The following NRG1 variants were observed in gnomAD, a reference collection of about 807,000 sequenced individuals.
NRG1 encodes the protein pro-neuregulin-1, membrane-bound isoform.
Under a neutral mutation model 63.8 loss-of-function variants are expected in NRG1, and 18 were observed. The observed-to-expected ratio is 0.28, with a 90% confidence interval of 0.19 to 0.42. NRG1 has a LOEUF of 0.42. NRG1 is among the 10% of genes least tolerant of loss of function. The probability of loss-of-function intolerance (pLI) is 1.00; values close to 1 mark genes in which losing one functional copy is unlikely to be tolerated. For synonymous variants in NRG1, 302 were observed against 301.3 expected, an observed-to-expected ratio of 1.00 and a Z score of -0.02; for missense variants, 762 against 814.7, an observed-to-expected ratio of 0.94 and a Z score of 0.79.
chr8:32,147,146 T>C (rs1836954719), intron 1 of NRG1, among the ~76,000 whole-genome samples: 1 of 152,178 alleles, frequency 6.6e-6, no homozygotes, highest in South Asian at 2.1e-4. Flanking sequence ...ACTCTCTTGT[T>C]CTGTTGATAT....
chr8:32,593,322 CCA>C (rs1842824138), intron 1 of NRG1, among the ~76,000 whole-genome samples: 1 of 151,922 alleles, frequency 6.6e-6, no homozygotes, highest in South Asian at 2.1e-4. Flanking sequence ...TATGTGTAAA[CCA>C]GTTTTTGGTG....
chr8:32,090,305 G>T (rs1457877020), intron 1 of NRG1, among the ~76,000 whole-genome samples: 1 of 152,154 alleles, frequency 6.6e-6, no homozygotes, highest in African/African-American at 2.4e-5. Flanking sequence ...ACATCTAGCT[G>T]AAAATACATT....
upstream of NRG1, among the ~76,000 whole-genome samples, chr8:32,545,744 C>T (rs144884999): frequency 1.8e-4 from 28 of 152,190 alleles, no homozygotes; most frequent in East Asian, 5.0e-3. Flanking sequence ...AAAGACCTAA[C>T]GATTTTTAGA....
At chr8:31,824,794 G>A (rs1474828437) in intron 1 of NRG1, among the ~76,000 whole-genome samples, 1 of 152,154 alleles carries the variant, frequency 6.6e-6, no homozygotes, top group African/African-American at 2.4e-5. Context: ...AATTTGCAGT[G>A]AGTTTCAGCA....
intron 5 of NRG1, among the ~76,000 whole-genome samples, chr8:32,722,600 C>T (rs564956265): frequency 3.9e-5 from 6 of 152,082 alleles, no homozygotes; most frequent in East Asian, 1.9e-4. Context: ...AAGTTGTAAA[C>T]GAAGTTTATA....
intron 1 of NRG1, among the ~76,000 whole-genome samples, chr8:32,202,787 C>G (rs1185764160): frequency 6.6e-6 from 1 of 151,224 alleles, no homozygotes; most frequent in African/African-American, 2.4e-5. Flanking sequence ...CCCTCCTCTG[C>G]TGCACTGCTC....
At chr8:31,845,148 A>G (rs1826570634) in intron 1 of NRG1, among the ~76,000 whole-genome samples, 2 of 152,150 alleles carry the variant, frequency 1.3e-5, no homozygotes, top group Admixed American at 6.5e-5. Context: ...TAAATAAAAC[A>G]GCAAAGCTTC....
chr8:32,647,897 G>T (rs189750959), intron 5 of NRG1: 7 of 1,614,038 alleles, frequency 4.3e-6, no homozygotes, highest in African/African-American at 1.3e-5. Context: ...CCTGCTGTGC[G>T]TGCCTAGAAG....
At chr8:32,758,680 T>C (rs932429752) in intron 9 of NRG1, among the ~76,000 whole-genome samples, 4 of 151,898 alleles carry the variant, frequency 2.6e-5, no homozygotes, top group Admixed American at 2.0e-4. Flanking sequence ...CTCCATATAT[T>C]ATGTGCTTTG....
chr8:31,663,399 G>A (rs934466424), intron 1 of NRG1, among the ~76,000 whole-genome samples: 8 of 152,140 alleles, frequency 5.3e-5, no homozygotes, highest in South Asian at 2.1e-4. Context: ...AGTAGGTTGT[G>A]GAATCAACAC....
At chr8:32,531,256 A>C (rs1831426067) in intron 1 of NRG1, among the ~76,000 whole-genome samples, 2 of 152,168 alleles carry the variant, frequency 1.3e-5, no homozygotes, top group Non-Finnish European at 2.9e-5. Flanking sequence ...AAAACTAGAA[A>C]AAAGGAAAGA....
intron 1 of NRG1, among the ~76,000 whole-genome samples, chr8:31,872,852 C>T (rs962114023): frequency 6.6e-6 from 1 of 152,200 alleles, no homozygotes; most frequent in African/African-American, 2.4e-5. Flanking sequence ...TTTTCAAATA[C>T]ATCCAAGTAT....
chr8:32,277,648 AT>A (rs960171780), intron 1 of NRG1, among the ~76,000 whole-genome samples: 9 of 152,212 alleles, frequency 5.9e-5, no homozygotes, highest in African/African-American at 2.2e-4. Flanking sequence ...TTTGCCCCCC[AT>A]CAAGGGATAT....
chr8:32,650,635 A>G (rs1854857076), intron 5 of NRG1, among the ~76,000 whole-genome samples: 1 of 134,176 alleles, frequency 7.5e-6, no homozygotes, highest in Admixed American at 8.2e-5. Context: ...AAAAGGTTGT[A>G]ACCACTAATT....
At chr8:31,888,365 C>A (rs190585755) in intron 1 of NRG1, among the ~76,000 whole-genome samples, 3 of 152,148 alleles carry the variant, frequency 2.0e-5, no homozygotes, top group Admixed American at 6.5e-5. Flanking sequence ...AAAGAGAATA[C>A]GCTTTGTTAA....
chr8:32,042,961 A>AGTGTGTGTGTGTGTGTGTGTGTGTGTGT (rs111850977), intron 1 of NRG1, among the ~76,000 whole-genome samples: 13 of 140,006 alleles, frequency 9.3e-5, no homozygotes, highest in African/African-American at 1.8e-4. Flanking sequence ...GAAAGAGTGC[A>AGTGTGTGTGTGTGTGTGTGTGTGTGTGT]GTGTGTGTGT....
chr8:32,560,403 A>G (rs1836162547), intron 1 of NRG1, among the ~76,000 whole-genome samples: 1 of 152,218 alleles, frequency 6.6e-6, no homozygotes, highest in Non-Finnish European at 1.5e-5. Flanking sequence ...CCACAAAGTC[A>G]TATCTGTCTT....
rs10103711 is a variant in NRG1 at position 32,507,790 on chromosome 8, C to G, written c.38-88038C>G. Among the ~76,000 whole-genome samples, 308 of 152,152 alleles carry G rather than the reference C, an allele frequency of 2.0e-3. 1 individual carries two copies. The highest frequency in any genetic ancestry group is 7.3e-3 in the African/African-American group (303 of 41,518). On this transcript the variant is annotated intron_variant, in intron 1 of 10. Transcript: ENST00000519301. The stretch of plus-strand genomic sequence containing the variant: ...TTGGCTTACTGCAACCTCCACCTCC[C>G]AGGTTCAAGCAATTCTCATGCCTCA...
chr8:31,948,347 G>C (rs940320895), intron 1 of NRG1, among the ~76,000 whole-genome samples: 2 of 152,148 alleles, frequency 1.3e-5, no homozygotes, highest in Admixed American at 1.3e-4. Flanking sequence ...GGGGAGTTGT[G>C]TGTTCATAAT....
Sources: gnomAD v4.1 joint callset for allele counts (sites outside exome capture counted in the v4.1 genomes callset) on GRCh38, gnomAD v4.1.1 for gene constraint, MANE v1.5 for transcripts, NCBI Gene and HGNC (gene_info 2026-07-23, HGNC 2026-07-21) for gene names.